The following TPTE2 variants were observed in gnomAD, a reference collection of about 807,000 sequenced individuals.
TPTE2 encodes phosphatidylinositol 3,4,5-trisphosphate 3-phosphatase TPTE2.
A neutral mutation model predicts 78.6 loss-of-function variants in TPTE2; 53 were observed. The ratio of observed to expected loss-of-function variants is 0.67; its 90% confidence interval spans 0.54 to 0.85. The LOEUF is 0.85. Among genes scored for constraint, TPTE2 ranks in the 40% least tolerant of loss-of-function variants. The pLI, the probability that TPTE2 is intolerant of heterozygous loss-of-function variation, is 0.00. For missense variants in TPTE2, 461 were observed against 623.0 expected (o/e 0.74, Z 2.77); for synonymous variants, 175 against 206.2 (o/e 0.85, Z 1.30).
At chr13:19,438,721 T>C (rs1877283950) in intron 13 of TPTE2, among the ~76,000 whole-genome samples, 3 of 152,336 alleles carry the variant, frequency 2.0e-5, no homozygotes, top group Middle Eastern at 3.4e-3. Flanking sequence ...CTCAGTCATT[T>C]GGAAATAGCA....
chr13:19,544,928 GCACACTCACA>G, the TPTE2 span, among the ~76,000 whole-genome samples: 2 of 107,092 alleles, frequency 1.9e-5, no homozygotes, highest in Non-Finnish European at 3.7e-5. Flanking sequence ...ACACACACGT[GCACACTCACA>G]CACACACACA....
intron 16 of TPTE2, among the ~76,000 whole-genome samples, chr13:19,431,683 TTCC>T (rs2137474858): frequency 6.7e-6 from 1 of 149,500 alleles, no homozygotes; most frequent in African/African-American, 2.5e-5. Context: ...GGTGCAGAAC[TTCC>T]TTCTATTGAT....
intron 10 of TPTE2, among the ~76,000 whole-genome samples, chr13:19,458,078 A>G (rs1233430695): frequency 6.6e-6 from 1 of 152,146 alleles, no homozygotes; most frequent in Admixed American, 6.5e-5. Flanking sequence ...TAAATATAAA[A>G]CCAATCTTCA....
In TPTE2 at chr13:19,528,217, A is replaced by G. The variant is rs572387985; in HGVS notation, c.-44+8379T>C. Among the ~76,000 whole-genome samples, 123 of 57,602 alleles carry G rather than the reference A, an allele frequency of 2.1e-3. 1 individual carries two copies. In the East Asian group the frequency reaches 0.2, roughly 93 times the overall value. 37.8% of individuals were successfully genotyped at this position (57,602 alleles called of 152,430 possible). On this transcript the variant is annotated intron_variant, in intron 1 of 17. Transcript: ENST00000390680. ...TCCTATGTGGTGAAACCCCTTCTCT[A>G]CTAAAAAAAAATATAAAAAATTAGC...
the TPTE2 span, among the ~76,000 whole-genome samples, chr13:19,557,579 A>G: frequency 6.6e-6 from 1 of 152,206 alleles, no homozygotes; most frequent in Non-Finnish European, 1.5e-5. Flanking sequence ...TGTAAGTCCT[A>G]GTAAACTCAT....
At chr13:19,502,721 C>T (rs1353164743) in intron 1 of TPTE2, among the ~76,000 whole-genome samples, 29 of 151,564 alleles carry the variant, frequency 1.9e-4, no homozygotes, top group East Asian at 1.9e-4. Context: ...GTGGGTGCAG[C>T]GCACCAGCAT....
At chr13:19,551,992 C>A in the TPTE2 span, among the ~76,000 whole-genome samples, 3 of 152,060 alleles carry the variant, frequency 2.0e-5, no homozygotes, top group South Asian at 6.2e-4. Flanking sequence ...TACTGTTTTC[C>A]TTTTGATTTA....
In TPTE2 at chr13:19,486,213, A is replaced by G. The variant is rs368698218; in HGVS notation, c.120-3666T>C. Among the ~76,000 whole-genome samples the G allele has an allele frequency of 5.7e-4, 87 of 152,232 alleles. No homozygotes were observed. The highest frequency in any genetic ancestry group is 2.0e-3 in the African/African-American group (82 of 41,550). On this transcript the variant is annotated intron_variant, in intron 3 of 19. Transcript: ENST00000400230. This position sits in a 1 kb window ranked among gnomAD's most constrained non-coding sequence, Gnocchi z 4.3. ...GTCTCGGATGTCAGTTCATTGGGGT[A>G]TACTGGCCTTGGTTCTACATGGATG...
intron 10 of TPTE2, among the ~76,000 whole-genome samples, chr13:19,453,826 T>C (rs1374078538): frequency 2.0e-5 from 3 of 152,146 alleles, no homozygotes; most frequent in Non-Finnish European, 2.9e-5. Flanking sequence ...ATGTAGGTAA[T>C]TGTATACCTG....
At chr13:19,528,719 G>T (rs1870678593) in intron 1 of TPTE2, among the ~76,000 whole-genome samples, 1 of 152,150 alleles carries the variant, frequency 6.6e-6, no homozygotes, top group Non-Finnish European at 1.5e-5. Context: ...CCTTAAGTCT[G>T]CATGGTTATC....
At position 19,451,184 on chromosome 13, in the gene TPTE2, A is replaced by C. The variant is rs1208636565; in HGVS notation, c.783T>G (p.Tyr261Ter). 1.2e-6 allele frequency: 2 copies of C among 1,613,456 alleles called. No individual in the cohort carries two copies. The highest frequency in any genetic ancestry group is 1.7e-6 in the Non-Finnish European group (2 of 1,179,622). ...ACATACTGCATAGATTGTAGACTCGATAGTGGTTTCGATGTTTCTTATCTA... is the reference window on the plus strand; with the variant it reads ...ACATACTGCATAGATTGTAGACTCGCTAGTGGTTTCGATGTTTCTTATCTA... The change falls in exon 11 of 20, where the codon TAT (tyrosine) becomes TAG (stop). Residue 261 changes from tyrosine to a stop codon, truncating the protein, a stop_gained. Transcript: ENST00000400230. LOFTEE classifies it high-confidence loss of function.
At chr13:19,520,919 T>C (rs1870106936) in intron 1 of TPTE2, among the ~76,000 whole-genome samples, 1 of 152,066 alleles carries the variant, frequency 6.6e-6, no homozygotes, top group African/African-American at 2.4e-5. Context: ...TTCCTTCTCT[T>C]ACTATTCTAA....
chr13:19,536,556 T>C (rs955640131), intron 1 of TPTE2: 1 of 152,220 alleles, frequency 6.6e-6, no homozygotes, highest in African/African-American at 2.4e-5. Flanking sequence ...TTGAATTTTA[T>C]AAAATACTAT....
At chr13:19,461,753 G>A (rs1285192014) in intron 10 of TPTE2, among the ~76,000 whole-genome samples, 2 of 152,028 alleles carry the variant, frequency 1.3e-5, no homozygotes, top group African/African-American at 2.4e-5. Flanking sequence ...ATTATAAAAT[G>A]ACTTTCTTTG....
intron 17 of TPTE2, among the ~76,000 whole-genome samples, chr13:19,430,085 C>G (rs1169901601): frequency 6.6e-6 from 1 of 152,106 alleles, no homozygotes; most frequent in Non-Finnish European, 1.5e-5. Context: ...TTCATGCACA[C>G]TAAACTTTTA....
intron 15 of TPTE2, among the ~76,000 whole-genome samples, chr13:19,434,819 T>C (rs1195089580): frequency 6.6e-6 from 1 of 152,150 alleles, no homozygotes; most frequent in Non-Finnish European, 1.5e-5. Flanking sequence ...TCAGGGGCAA[T>C]ATAGAAAAGG....
Position 19,425,854 on chromosome 13 carries a change from C to T in TPTE2, c.1395+571G>A, listed in dbSNP as rs144200442. On this transcript the variant is annotated intron_variant, in intron 18 of 19. Coordinates refer to ENST00000400230, the Ensembl canonical transcript of TPTE2. ...TCTCTCTGGAATTAATAAAAAACTGCTTTGGTTATTTCGTGTGTTGTATTG... is the reference window on the plus strand; with the variant it reads ...TCTCTCTGGAATTAATAAAAAACTGTTTTGGTTATTTCGTGTGTTGTATTG... 1,477 of 517,412 alleles carry T rather than the reference C, an allele frequency of 2.9e-3. 23 individuals carry two copies. Among genetic ancestry groups the T allele is most frequent in the African/African-American group, 0.024 (1,246 of 51,716 alleles). The allele number at this position is 517,412 out of a possible 1,614,324, so 32.1% of individuals were successfully genotyped here.
chr13:19,453,560 T>TATATATATATAC (rs1878340267), intron 10 of TPTE2, among the ~76,000 whole-genome samples: 1 of 111,252 alleles, frequency 9.0e-6, no homozygotes, highest in Non-Finnish European at 2.0e-5. Flanking sequence ...TATATATATA[T>TATATATATATAC]ATATAGCAAC....
At chr13:19,467,785 AT>A (rs926333305) in intron 6 of TPTE2, among the ~76,000 whole-genome samples, 1 of 151,268 alleles carries the variant, frequency 6.6e-6, no homozygotes, top group African/African-American at 2.4e-5. Flanking sequence ...TACTCATTCT[AT>A]TTTTTTGTAC....
Sources: gnomAD v4.1 joint callset for allele counts (sites outside exome capture counted in the v4.1 genomes callset) on GRCh38, gnomAD v4.1.1 for gene constraint, Gnocchi (gnomAD v3.1) non-coding constraint, MANE v1.5 for transcripts, NCBI Gene and HGNC (gene_info 2026-07-23, HGNC 2026-07-21) for gene names.